Variants in PZP observed in about 807,000 individuals in gnomAD.
PZP encodes the protein pregnancy zone protein.
A neutral mutation model predicts 179.8 loss-of-function variants in PZP; 150 were observed. The ratio of observed to expected loss-of-function variants is 0.83; its 90% CI spans 0.73 to 0.96. The LOEUF (loss-of-function observed/expected upper bound fraction) is 0.96. Ranked by LOEUF, PZP falls within the 40% of genes least tolerant of loss-of-function variation. PZP has a pLI of 0.00. For missense variants in PZP, 1,689 were observed against 1,764.0 expected (o/e 0.96, Z 0.76); for synonymous variants, 624 against 652.3 (o/e 0.96, Z 0.66).
At chr12:9,174,895 T>G (rs991458847) in intron 15 of PZP, among the ~76,000 whole-genome samples, 3 of 152,208 alleles carry the variant, frequency 2.0e-5, no homozygotes, top group Non-Finnish European at 4.4e-5. Flanking sequence ...CCCAAAGTAT[T>G]TTATAGATTC....
chr12:9,193,788 A>T (rs1943591226), intron 11 of PZP, among the ~76,000 whole-genome samples: 2 of 152,218 alleles, frequency 1.3e-5, no homozygotes, highest in South Asian at 2.1e-4. Flanking sequence ...AACAAAGTAC[A>T]TGAATTACTG....
chr12:9,147,028 C>T (rs1244014284), downstream of PZP, among the ~76,000 whole-genome samples: 1 of 152,230 alleles, frequency 6.6e-6, no homozygotes, highest in Non-Finnish European at 1.5e-5. Context: ...CACCTCCTTT[C>T]TTCCAAGGTG....
the PZP span, among the ~76,000 whole-genome samples, chr12:9,136,875 GT>G: frequency 3.9e-5 from 6 of 152,010 alleles, no homozygotes; most frequent in African/African-American, 1.4e-4. Context: ...CATGTTATTA[GT>G]TTTTTTGCTG....
At chr12:9,160,723 G>T (rs1026446740) in intron 23 of PZP, among the ~76,000 whole-genome samples, 2 of 152,110 alleles carry the variant, frequency 1.3e-5, no homozygotes, top group Non-Finnish European at 2.9e-5. Flanking sequence ...GACCATCCTG[G>T]TGAACACGGT....
At chr12:9,159,466 AATGTGGTAGTAT>A (rs1941010316) in intron 25 of PZP, among the ~76,000 whole-genome samples, 1 of 152,004 alleles carries the variant, frequency 6.6e-6, no homozygotes, top group South Asian at 2.1e-4. Flanking sequence ...CTTAATCCCC[AATGTGGTAGTAT>A]TGAGAGGTGG....
chr12:9,204,054 T>C, intron 1 of PZP, 103 bp from the exon 2 acceptor site: 1 of 1,183,034 alleles, frequency 8.5e-7, no homozygotes, highest in South Asian at 1.6e-5. Flanking sequence ...GTGCAATCAG[T>C]TTTATTCTAA....
At position 9,148,927 on chromosome 12, in the gene PZP, T is replaced by C. The variant is rs1940152112; in HGVS notation, c.*45A>G. On this transcript the variant is annotated 3_prime_UTR_variant, in exon 36 of 36. Transcript: ENST00000261336. Reference sequence around the variant, plus strand: ...AATAACTCCATTCCTTCTAAGTAAATGTATAGGACAGAGAATCCACCAAAA... The same window carrying C: ...AATAACTCCATTCCTTCTAAGTAAACGTATAGGACAGAGAATCCACCAAAA... 7.9e-6 allele frequency: 12 copies of C among 1,522,740 alleles called. No individual in the cohort carries two copies. Among genetic ancestry groups the C allele is most frequent in the South Asian group, 3.4e-5 (3 of 87,572 alleles). 94.3% of individuals were successfully genotyped at this position (1,522,740 alleles called of 1,614,324 possible).
chr12:9,167,045 G>T (rs941125733), intron 17 of PZP: 26 of 152,164 alleles, frequency 1.7e-4, no homozygotes, highest in African/African-American at 6.0e-4. Context: ...AGCATCAGTA[G>T]TAATTTCTTT....
At chr12:9,161,302 G>A (rs1040760655) in intron 22 of PZP, among the ~76,000 whole-genome samples, 186 bp from the exon 23 acceptor site, 1 of 152,200 alleles carries the variant, frequency 6.6e-6, no homozygotes, top group Non-Finnish European at 1.5e-5. Flanking sequence ...AACAGTATCT[G>A]CAACATATTC....
At chr12:9,150,522 C>A (rs1940274486) in intron 34 of PZP, 122 bp downstream of exon 34, 2 of 654,198 alleles carry the variant, frequency 3.1e-6, no homozygotes, top group African/African-American at 1.8e-5. Context: ...TTATAGTGTA[C>A]ATCTTGGAGG....
downstream of PZP, among the ~76,000 whole-genome samples, chr12:9,147,595 T>G (rs1592429610): frequency 6.6e-6 from 1 of 152,220 alleles, no homozygotes; most frequent in Non-Finnish European, 1.5e-5. Context: ...TGATTGTTAC[T>G]AAACTGGTGT....
At chr12:9,168,828 G>T in intron 17 of PZP, 41 bp downstream of exon 17, 1 of 1,456,578 alleles carries the variant, frequency 6.9e-7, no homozygotes, top group Non-Finnish European at 9.6e-7. Context: ...TAGTAATATT[G>T]TTGGACATGA....
downstream of PZP, among the ~76,000 whole-genome samples, chr12:9,145,104 G>T (rs775595423): frequency 1.3e-5 from 2 of 152,218 alleles, no homozygotes; most frequent in East Asian, 1.9e-4. Context: ...ATATATTTGG[G>T]TCTGTTTTTT....
At chr12:9,142,839 C>T in the PZP span, among the ~76,000 whole-genome samples, 3 of 152,164 alleles carry the variant, frequency 2.0e-5, no homozygotes, top group East Asian at 5.8e-4. Flanking sequence ...AGGGGTTCCA[C>T]AACGAAAACA....
chr12:9,175,184 A>G (rs1033270745), intron 15 of PZP, among the ~76,000 whole-genome samples: 1 of 152,242 alleles, frequency 6.6e-6, no homozygotes, highest in Non-Finnish European at 1.5e-5. Flanking sequence ...GATCTTTGAC[A>G]AACTTGACAA....
intron 10 of PZP, among the ~76,000 whole-genome samples, chr12:9,195,095 G>T (rs1252663517): frequency 1.3e-5 from 2 of 151,958 alleles, no homozygotes; most frequent in African/African-American, 4.8e-5. Flanking sequence ...AGAATAATTT[G>T]AATTTTTAGC....
At chr12:9,203,667 G>A (rs1944302007) in intron 2 of PZP, 101 bp downstream of exon 2, 1 of 1,392,706 alleles carries the variant, frequency 7.2e-7, no homozygotes, top group Non-Finnish European at 9.9e-7. Context: ...CATTCTTAAA[G>A]TCATACCTTG....
Position 9,166,182 on chromosome 12 carries a change from T to C in PZP, c.2128A>G (p.Arg710Gly), listed in dbSNP as rs1265359821. 12 of 1,611,696 alleles carry C rather than the reference T, an allele frequency of 7.4e-6. No homozygotes were observed. Among genetic ancestry groups the C allele is most frequent in the Non-Finnish European group, 1.0e-5 (12 of 1,179,464 alleles). Reference protein sequence around the residue: ...YYGAGLGVVERPYVPQLGTYN... With the variant: ...YYGAGLGVVEGPYVPQLGTYN... ...GTGCCTAATTGAGGAACATATGGTC[T>C]CTCTACTACTCCTAGACCTGCTAAA... is the stretch of plus-strand genomic sequence containing the variant. The change falls in exon 18 of 36, where the codon AGA becomes GGA. Residue 710 changes from arginine (R) to glycine (G), a missense_variant. By Grantham distance (125) the Arg-to-Gly change is moderately radical. Transcript: ENST00000261336.
In PZP at chr12:9,152,880, G is replaced by T; in HGVS notation, c.4065C>A (p.Pro1355=). 2 of 1,614,036 alleles carry T rather than the reference G, an allele frequency of 1.2e-6. No homozygotes were observed. The highest frequency in any genetic ancestry group is 1.7e-6 in the Non-Finnish European group (2 of 1,179,964). ...GGGCTTTGTGTCCATCGCAAGTTTG[G>T]GGCACAGTCTGCACTTTTAAAGCAA... The part of the protein sequence containing the change: ...SPFALKVQTV[P]QTCDGHKAHT... The change falls in exon 31 of 36, where the codon CCC becomes CCA. Residue 1355 remains proline, a synonymous_variant. Transcript: ENST00000261336.
Sources: gnomAD v4.1 joint callset for allele counts (sites outside exome capture counted in the v4.1 genomes callset) on GRCh38, gnomAD v4.1.1 for gene constraint, MANE v1.5 for transcripts, NCBI Gene and HGNC (gene_info 2026-07-23, HGNC 2026-07-21) for gene names.